The following DBR1 variants were observed in gnomAD, a reference collection of about 807,000 sequenced individuals.
DBR1 encodes debranching RNA lariats 1.
DBR1 carries 33 observed loss-of-function variants against 45.9 expected under a neutral mutation model. The ratio of observed to expected loss-of-function variants is 0.72; its 90% CI spans 0.55 to 0.96. DBR1 has a LOEUF of 0.96. Ranked by LOEUF, DBR1 falls within the 40% of genes least tolerant of loss-of-function variation. The probability of loss-of-function intolerance (pLI) is 0.00; values close to 1 mark genes in which losing one functional copy is unlikely to be tolerated. For missense variants in DBR1, 619 were observed against 667.4 expected (o/e 0.93, Z 0.80); for synonymous variants, 235 against 235.9 (o/e 1.00, Z 0.04).
Position 138,162,319 on chromosome 3 carries a change from A to G in DBR1, c.1205T>C (p.Val402Ala), listed in dbSNP as rs1576532046. 2 of 1,614,152 alleles carry G rather than the reference A, an allele frequency of 1.2e-6. No individual in the cohort carries two copies. The highest frequency in any genetic ancestry group is 1.7e-6 in the Non-Finnish European group (2 of 1,180,028). The change falls in exon 8 of 8, where the codon GTG (valine) becomes GCG (alanine). Residue 402 changes from valine to alanine, a missense_variant. Around this residue, in one of 3 missense-constraint regions of DBR1, gnomAD observed 182 missense variants for 196.1 expected, o/e 0.93. Coordinates refer to ENST00000260803, the MANE Select transcript of DBR1 (RefSeq NM_016216.4). ...GTCTTCTCCAGAGTCATTACTCTCC[A>G]CATCATCCTGTTCTTCATATTCACC... ...VCGEYEEQDD[V>A]ESNDSGEDQS...
intron 3 of DBR1, 84 bp downstream of exon 3, chr3:138,171,549 T>C: frequency 4.0e-6 from 3 of 758,156 alleles, no homozygotes; most frequent in Non-Finnish European, 6.6e-6. Flanking sequence ...CAAAGATATA[T>C]GAAAGAGTCA....
chr3:138,170,324 AT>A (rs1442520012), intron 3 of DBR1, 132 bp from the exon 4 acceptor site: 1 of 585,358 alleles, frequency 1.7e-6, no homozygotes, highest in African/African-American at 2.0e-5. Flanking sequence ...ATCTAGGGAA[AT>A]TTTTTAAAAA....
intron 1 of DBR1, among the ~76,000 whole-genome samples, chr3:138,174,388 G>A (rs1194035600): frequency 6.6e-6 from 1 of 152,200 alleles, no homozygotes; most frequent in Non-Finnish European, 1.5e-5. Flanking sequence ...TAGGGTGCTA[G>A]TGAAACTGAC....
chr3:138,171,755 ATC>A (rs773922876), intron 2 of DBR1, 42 bp from the exon 3 acceptor site: 127 of 1,378,348 alleles, frequency 9.2e-5, no homozygotes, highest in Non-Finnish European at 1.2e-4. Context: ...GGCAAAAGGA[ATC>A]TCTACACCGA....
chr3:138,172,401 T>C (rs1312116442), intron 2 of DBR1, among the ~76,000 whole-genome samples: 1 of 152,088 alleles, frequency 6.6e-6, no homozygotes, highest in Non-Finnish European at 1.5e-5. Flanking sequence ...CTGGACAACA[T>C]GGCCAAACTC....
In DBR1 at chr3:138,167,244, C is replaced by G. The variant is rs1272173480; in HGVS notation, c.551G>C (p.Gly184Ala). The G allele has an allele frequency of 1.5e-5, 24 of 1,613,676 alleles. No individual in the cohort carries two copies. The highest frequency in any genetic ancestry group is 2.0e-5 in the Non-Finnish European group (24 of 1,179,880). ...HDWPRSIYHYGNKKQLLKTKS... is the reference protein window; with the variant it reads ...HDWPRSIYHYANKKQLLKTKS... ...AGTCTTAAGAAGTTGCTTCTTATTT[C>G]CATAATGATATATACTTCTTGGCCA... Residue 184 changes from glycine (G) to alanine (A), a missense_variant, in exon 5 of 8, where the codon GGA becomes GCA. Physicochemically the swap from Gly to Ala is moderately conservative, Grantham distance 60. Around this residue, in one of 3 missense-constraint regions of DBR1, gnomAD observed 430 missense variants for 447.7 expected, o/e 0.96. Transcript: ENST00000260803.
intron 5 of DBR1, among the ~76,000 whole-genome samples, chr3:138,164,638 GT>G (rs1205353943): frequency 6.6e-6 from 1 of 152,066 alleles, no homozygotes; most frequent in Non-Finnish European, 1.5e-5. Context: ...TTAAAATGTG[GT>G]TTTTTTCTTT....
At chr3:138,170,080 G>C in intron 4 of DBR1, 27 bp downstream of exon 4, 1 of 1,377,034 alleles carries the variant, frequency 7.3e-7, no homozygotes, top group Non-Finnish European at 1.0e-6. Context: ...ATGTTTTCAA[G>C]TCTGCTGTAA....
At chr3:138,169,867 A>C (rs2042946564) in intron 4 of DBR1, among the ~76,000 whole-genome samples, 1 of 151,916 alleles carries the variant, frequency 6.6e-6, no homozygotes, top group African/African-American at 2.4e-5. Context: ...CAGGAGGCGG[A>C]GGTTGCAGTG....
chr3:138,170,697 A>G (rs1174140252), intron 3 of DBR1, among the ~76,000 whole-genome samples: 1 of 152,214 alleles, frequency 6.6e-6, no homozygotes, highest in African/African-American at 2.4e-5. Context: ...CAGACTTGTA[A>G]CAGTTACATT....
At position 138,174,589 on chromosome 3, in the gene DBR1, G is replaced by A; in HGVS notation, c.197+10C>T. ...CCCACCGCCAAGTCCGGGCCCGGCC[G>A]CGTCCTCACCTGTAGAAGGTTTGCA... On this transcript the variant is annotated intron_variant, in intron 1 of 7. Coordinates refer to ENST00000260803, the MANE Select transcript of DBR1 (RefSeq NM_016216.4). 1 of 1,440,728 alleles carries A rather than the reference G, an allele frequency of 6.9e-7. No individual in the cohort carries two copies. Among genetic ancestry groups the A allele is most frequent in the South Asian group, 1.2e-5 (1 of 86,842 alleles). The allele number at this position is 1,440,728 out of a possible 1,614,324, so 89.2% of individuals were successfully genotyped here. A position where few individuals can be genotyped will look rare whatever the true frequency, so the allele number is the denominator to read the frequency against.
Position 138,174,819 on chromosome 3 carries a change from G to C in DBR1, c.-24C>G. ...ATTCTGCCGGCCTGAGGAGGTGAGC[G>C]CTGCCTGCAACGCCCTACACCACAG... On this transcript the variant is annotated 5_prime_UTR_variant, in exon 1 of 8. Coordinates refer to ENST00000260803, the MANE Select transcript of DBR1 (RefSeq NM_016216.4). The C allele has an allele frequency of 6.2e-7, 1 of 1,601,664 alleles. No individual in the cohort carries two copies. The highest frequency in any genetic ancestry group is 8.5e-7 in the Non-Finnish European group (1 of 1,175,346).
intron 5 of DBR1, among the ~76,000 whole-genome samples, chr3:138,165,573 G>GA (rs1444486078): frequency 6.6e-6 from 1 of 151,934 alleles, no homozygotes; most frequent in Non-Finnish European, 1.5e-5. Context: ...ACTAAAAATA[G>GA]AAAAAATTAG....
rs1343777404 is a variant in DBR1, at chr3:138,162,545, C to T, written c.979G>A (p.Val327Ile). The change falls in exon 8 of 8, where the codon GTA (valine) becomes ATA (isoleucine). Residue 327 changes from valine to isoleucine, a missense_variant. Physicochemically the swap from Val to Ile is conservative, Grantham distance 29. Around this residue, in one of 3 missense-constraint regions of DBR1, gnomAD observed 430 missense variants for 447.7 expected, o/e 0.96. Coordinates refer to ENST00000260803, the MANE Select transcript of DBR1 (RefSeq NM_016216.4). Reference sequence around the variant, plus strand: ...AGATCATGATTCAATTTTTCCAATACTTCTTTCATACCTTCTTCTGTTGCA... The same window carrying T: ...AGATCATGATTCAATTTTTCCAATATTTCTTTCATACCTTCTTCTGTTGCA... ...YSATEEGMKEVLEKLNHDLKV... is the reference protein window; with the variant it reads ...YSATEEGMKEILEKLNHDLKV... 6.2e-7 allele frequency: 1 copy of T among 1,612,746 alleles called. No homozygotes were observed. The highest frequency in any genetic ancestry group is 1.3e-5 in the African/African-American group (1 of 74,924).
Position 138,167,076 on chromosome 3 carries a change from T to A in DBR1, c.714+5A>T, listed in dbSNP as rs1161444138. 2 of 1,613,482 alleles carry A rather than the reference T, an allele frequency of 1.2e-6. No homozygotes were observed. Among genetic ancestry groups the A allele is most frequent in the South Asian group, 2.2e-5 (2 of 91,042 alleles). On this transcript the variant is annotated splice_donor_5th_base_variant and intron_variant, in intron 5 of 7. Transcript: ENST00000260803. ...AAATGAAAGAATAAACATTTTGTTT[T>A]CTACCTGATGCTGCATCAAGGCGGC... is the stretch of plus-strand genomic sequence containing the variant.
chr3:138,163,117 G>T (rs1269263907), intron 7 of DBR1, among the ~76,000 whole-genome samples: 1 of 152,108 alleles, frequency 6.6e-6, no homozygotes, highest in African/African-American at 2.4e-5. Context: ...AAAATTAGCT[G>T]GGCATGGTGG....
chr3:138,171,620 C>T lies in DBR1; in HGVS notation c.403+13G>A, dbSNP rs766495074. ...CAAGTTCTAAAGTTTAAAAATAATT[C>T]TCAAAACAATACCTTTTCGATAGTC... On this transcript the variant is annotated intron_variant, in intron 3 of 7. Coordinates refer to ENST00000260803, the MANE Select transcript of DBR1 (RefSeq NM_016216.4). 9 of 1,590,936 alleles carry T rather than the reference C, an allele frequency of 5.7e-6. No individual in the cohort carries two copies. The East Asian group carries it at 2.0e-4, about 36-fold the overall frequency.
intron 5 of DBR1, among the ~76,000 whole-genome samples, chr3:138,165,440 G>C (rs2042925573): frequency 6.6e-6 from 1 of 152,110 alleles, no homozygotes; most frequent in African/African-American, 2.4e-5. Flanking sequence ...AAGAAAAATG[G>C]AAGGCATGGC....
intron 2 of DBR1, 85 bp downstream of exon 2, chr3:138,173,417 T>C: frequency 3.6e-6 from 5 of 1,391,066 alleles, no homozygotes; most frequent in South Asian, 2.4e-5. Flanking sequence ...ACACCATACA[T>C]GTCAAGACAC....
Sources: gnomAD v4.1 joint callset for allele counts (sites outside exome capture counted in the v4.1 genomes callset) on GRCh38, gnomAD v4.1.1 for gene constraint, gnomAD v4.1.1 regional missense constraint, MANE v1.5 for transcripts, NCBI Gene and HGNC (gene_info 2026-07-23, HGNC 2026-07-21) for gene names.